Variants in WNK3 observed in about 807,000 individuals in gnomAD.
The protein encoded by WNK3 is serine/threonine-protein kinase WNK3.
Under a neutral mutation model 116.7 loss-of-function variants are expected in WNK3, and 18 were observed. The observed-to-expected ratio is 0.15, with a 90% confidence interval of 0.11 to 0.23. WNK3 has a LOEUF of 0.23. Among genes scored for constraint, WNK3 ranks in the 10% least tolerant of loss-of-function variants. The pLI is 1.00. For missense variants in WNK3, 993 were observed against 1,323.8 expected, an observed-to-expected ratio of 0.75 and a Z score of 3.88; for synonymous variants, 404 against 469.4, an observed-to-expected ratio of 0.86 and a Z score of 1.80.
At chrX:54,214,891 T>G (rs2067665047) in intron 22 of WNK3, among the ~76,000 whole-genome samples, 1 of 109,486 alleles carries the variant, frequency 9.1e-6, no homozygotes, top group African/African-American at 3.3e-5. Flanking sequence ...CGGGCGCCTG[T>G]AGTCCCAGCT....
At chrX:54,350,531 T>C (rs2069501713) in intron 1 of WNK3, among the ~76,000 whole-genome samples, 1 of 111,933 alleles carries the variant, frequency 8.9e-6, no homozygotes, top group South Asian at 3.7e-4. Flanking sequence ...TTTTCATCTA[T>C]CAGGATGCAA....
At chrX:54,315,837 A>G (rs998315336) in intron 2 of WNK3, among the ~76,000 whole-genome samples, 16 of 111,698 alleles carry the variant, frequency 1.4e-4, no homozygotes, top group African/African-American at 4.6e-4. Context: ...TAGTCCCATG[A>G]GTGATGGAGC....
rs147722907 is a variant in WNK3 at position 54,198,646 on chromosome X, G to A, written c.5081C>T (p.Pro1694Leu). Residue 1694 changes from proline (P) to leucine (L), a missense_variant, in exon 24 of 24, where the codon CCG becomes CTG. Pro to Leu is a moderately conservative substitution (Grantham distance 98). Transcript: ENST00000354646. ...TGTTGATGTGTAGCCCATAGTAGAC[G>A]GAGTATTCTAAGAAAAACAAAAATA... is the stretch of plus-strand genomic sequence containing the variant. The A allele has an allele frequency of 6.6e-5, 77 of 1,167,711 alleles. No homozygotes were observed. The African/African-American group carries it at 8.6e-4, about 13-fold the overall frequency.
chrX:54,325,124 C>T (rs782506121), intron 2 of WNK3, among the ~76,000 whole-genome samples: 1 of 111,579 alleles, frequency 9.0e-6, no homozygotes, highest in Non-Finnish European at 1.9e-5. Context: ...AGAATGCTCA[C>T]TCAACGTGTC....
intron 1 of WNK3, among the ~76,000 whole-genome samples, chrX:54,346,361 T>A (rs2069429836): frequency 9.9e-6 from 1 of 101,131 alleles, no homozygotes; most frequent in Non-Finnish European, 2.0e-5. Context: ...TCCCAGCACC[T>A]GGGGAGACTG....
intron 2 of WNK3, among the ~76,000 whole-genome samples, chrX:54,320,201 A>G (rs1027282185): frequency 8.9e-6 from 1 of 112,233 alleles, no homozygotes; most frequent in Admixed American, 9.5e-5. Flanking sequence ...ATGGAATGCT[A>G]AAAGTGTACA....
chrX:54,347,681 C>CAT (rs1225024922), intron 1 of WNK3, among the ~76,000 whole-genome samples: 46 of 98,161 alleles, frequency 4.7e-4, no homozygotes, highest in Middle Eastern at 5.1e-3. Context: ...TATATATACA[C>CAT]ATATATATAT....
intron 17 of WNK3, among the ~76,000 whole-genome samples, chrX:54,243,552 G>A (rs1462531922): frequency 1.8e-5 from 2 of 109,825 alleles, no homozygotes; most frequent in Non-Finnish European, 3.8e-5. Flanking sequence ...ACAAGCACAC[G>A]AAAAGATTCT....
At chrX:54,224,698 T>C (rs781960130) in intron 22 of WNK3, among the ~76,000 whole-genome samples, 2 of 108,722 alleles carry the variant, frequency 1.8e-5, no homozygotes, top group Non-Finnish European at 3.8e-5. Flanking sequence ...GCCTCCCGAG[T>C]AGCTGGGACT....
chrX:54,248,680 G>C lies in WNK3; in HGVS notation c.3651+17C>G, dbSNP rs369999360. The C allele has an allele frequency of 8.6e-6, 10 of 1,162,523 alleles. No homozygotes were observed. The highest frequency in any genetic ancestry group is 1.8e-5 in the African/African-American group (1 of 55,988). ...TAAGCAAAGAGTAAGGAATTGGTTA[G>C]AAAGAATGATACTTACATGTAAACA... On this transcript the variant is annotated intron_variant, in intron 17 of 23. Coordinates refer to ENST00000354646, the Ensembl canonical transcript of WNK3.
At chrX:54,331,274 A>C (rs1156577822) in intron 2 of WNK3, among the ~76,000 whole-genome samples, 2 of 108,462 alleles carry the variant, frequency 1.8e-5, no homozygotes, top group Non-Finnish European at 3.8e-5. Flanking sequence ...AATATACACT[A>C]ACAAAAATAA....
chrX:54,230,788 G>A (rs1359595620), intron 21 of WNK3, among the ~76,000 whole-genome samples: 1 of 112,240 alleles, frequency 8.9e-6, no homozygotes, highest in Non-Finnish European at 1.9e-5. Context: ...CCGATGAATG[G>A]ATAAACAAAC....
At chrX:54,207,427 G>A (rs782539538) in intron 22 of WNK3, among the ~76,000 whole-genome samples, 3 of 107,876 alleles carry the variant, frequency 2.8e-5, no homozygotes, top group African/African-American at 3.4e-5. Flanking sequence ...CATTTTTACC[G>A]TTTGCATGCC....
At chrX:54,266,322 G>T in intron 10 of WNK3, among the ~76,000 whole-genome samples, 1 of 110,214 alleles carries the variant, frequency 9.1e-6, no homozygotes, top group Non-Finnish European at 1.9e-5. Context: ...AGTCAGGAGG[G>T]GAGTGGGGAA....
At chrX:54,300,858 A>G (rs2068750337) in intron 6 of WNK3, among the ~76,000 whole-genome samples, 1 of 111,957 alleles carries the variant, frequency 8.9e-6, no homozygotes. Flanking sequence ...TACTAAGGAT[A>G]TATCGCCTTT....
At chrX:54,342,279 A>T (rs782774651) in intron 1 of WNK3, among the ~76,000 whole-genome samples, 2 of 110,355 alleles carry the variant, frequency 1.8e-5, no homozygotes, top group African/African-American at 6.6e-5. Context: ...AATTTTTTTT[A>T]AATATGGCTG....
At chrX:54,193,317 T>C (rs781791926) in exon 24 of WNK3, 5 of 111,422 alleles carry the variant, frequency 4.5e-5, no homozygotes, top group Non-Finnish European at 7.5e-5. Flanking sequence ...AGTTAGTCAC[T>C]GTATCTGCTG....
chrX:54,208,821 G>A (rs1037925009), intron 22 of WNK3, among the ~76,000 whole-genome samples: 1 of 111,940 alleles, frequency 8.9e-6, no homozygotes, highest in African/African-American at 3.2e-5. Context: ...GGTCAGCAAA[G>A]GGAAAAGACA....
chrX:54,307,684 AAT>A (rs782257599), intron 5 of WNK3, among the ~76,000 whole-genome samples: 1 of 111,456 alleles, frequency 9.0e-6, no homozygotes, highest in Non-Finnish European at 1.9e-5. Context: ...CTTACAAACA[AAT>A]ATATATAGAT....
Sources: allele counts gnomAD v4.1 joint callset (sites outside exome capture counted in the v4.1 genomes callset), GRCh38; gene constraint gnomAD v4.1.1; transcripts MANE v1.5; gene names NCBI Gene and HGNC (gene_info 2026-07-23, HGNC 2026-07-21).